RANBP17: variants seen among roughly 807,000 people sequenced by gnomAD.
RANBP17 encodes the protein RAN binding protein 17.
A neutral mutation model predicts 141.2 loss-of-function variants in RANBP17; 158 were observed. The ratio of observed to expected loss-of-function variants is 1.12; its 90% confidence interval spans 0.98 to 1.28. The LOEUF (loss-of-function observed/expected upper bound fraction) is 1.28. Among genes scored for constraint, RANBP17 ranks in the 50% most tolerant of loss-of-function variants. The pLI, the probability that RANBP17 is intolerant of heterozygous loss-of-function variation, is 0.00. For missense variants in RANBP17, 1,438 were observed against 1,290.7 expected, an observed-to-expected ratio of 1.11 and a Z score of -1.75; for synonymous variants, 430 against 450.0, an observed-to-expected ratio of 0.96 and a Z score of 0.56.
intron 14 of RANBP17, among the ~76,000 whole-genome samples, chr5:171,159,903 GT>G (rs1345332158): frequency 1.6e-5 from 2 of 127,536 alleles, no homozygotes; most frequent in Non-Finnish European, 3.2e-5. Flanking sequence ...GGGCGACAGA[GT>G]GAGACTCCAT....
chr5:170,925,956 A>G (rs1772883211), intron 12 of RANBP17, among the ~76,000 whole-genome samples: 1 of 152,076 alleles, frequency 6.6e-6, no homozygotes, highest in Non-Finnish European at 1.5e-5. Flanking sequence ...GTTAATAGGT[A>G]TTTGTTTTCT....
intron 13 of RANBP17, among the ~76,000 whole-genome samples, chr5:170,956,389 C>T (rs1775696095): frequency 6.6e-6 from 1 of 151,940 alleles, no homozygotes; most frequent in Admixed American, 6.6e-5. Context: ...TCCTTTTCAA[C>T]CTTTAAACTA....
At chr5:171,184,592 A>G (rs1761108398) in intron 18 of RANBP17, among the ~76,000 whole-genome samples, 2 of 152,204 alleles carry the variant, frequency 1.3e-5, no homozygotes, top group African/African-American at 2.4e-5. Flanking sequence ...TTCTTGAAAA[A>G]TGCTAAGAGA....
chr5:171,267,200 A>ATTTT lies in RANBP17; in HGVS notation c.2943+1367_2943+1370dup, dbSNP rs75633814. ...AGGTGCACACCACCACATCCAGCTA[A>ATTTT]TTTTTTTTTTTTTTTTTGGAGAGAA... On this transcript the variant is annotated intron_variant, in intron 25 of 27. Coordinates refer to ENST00000523189, the MANE Select transcript of RANBP17 (RefSeq NM_022897.5). Among the ~76,000 whole-genome samples the ATTTT allele has an allele frequency of 1.5e-3, 199 of 131,930 alleles. 2 individuals carry two copies. The highest frequency in any genetic ancestry group is 7.2e-3 in the East Asian group (32 of 4,426). 86.6% of individuals were successfully genotyped at this position (131,930 alleles called of 152,430 possible). A position where few individuals can be genotyped will look rare whatever the true frequency, so the allele number is the denominator to read the frequency against.
chr5:171,186,521 A>ATTTTTTTTTTTT (rs1243325206), intron 18 of RANBP17, among the ~76,000 whole-genome samples: 1 of 29,508 alleles, frequency 3.4e-5, no homozygotes, highest in Non-Finnish European at 7.5e-5. Context: ...CACTGGTATG[A>ATTTTTTTTTTTT]TTTTCTTTTT....
intron 24 of RANBP17, among the ~76,000 whole-genome samples, chr5:171,249,612 G>A (rs1257116079): frequency 6.6e-6 from 1 of 152,106 alleles, no homozygotes; most frequent in Non-Finnish European, 1.5e-5. Context: ...AATTCATTGA[G>A]GGAAATACAA....
At chr5:171,105,576 G>T (rs1233146692) in intron 14 of RANBP17, among the ~76,000 whole-genome samples, 1 of 151,774 alleles carries the variant, frequency 6.6e-6, no homozygotes, top group African/African-American at 2.4e-5. Context: ...AGCTGAGTGG[G>T]TATGGTGGCA....
intron 12 of RANBP17, among the ~76,000 whole-genome samples, chr5:170,951,986 A>G (rs1421815068): frequency 2.0e-5 from 3 of 152,070 alleles, no homozygotes. Flanking sequence ...TAAGATGTAA[A>G]GGTGAATGCT....
At chr5:171,090,199 T>C (rs1294423987) in intron 14 of RANBP17, among the ~76,000 whole-genome samples, 1 of 152,192 alleles carries the variant, frequency 6.6e-6, no homozygotes, top group East Asian at 1.9e-4. Flanking sequence ...AAAATGCTGA[T>C]AATGATATGG....
At chr5:171,237,757 G>A (rs1764628255) in intron 22 of RANBP17, among the ~76,000 whole-genome samples, 1 of 152,158 alleles carries the variant, frequency 6.6e-6, no homozygotes, top group Admixed American at 6.6e-5. Context: ...GTCCATCAGT[G>A]CAATGTAGAT....
chr5:171,183,353 A>G lies in RANBP17; in HGVS notation c.1961A>G (p.Asp654Gly), dbSNP rs768051623. The G allele has an allele frequency of 5.6e-6, 9 of 1,614,036 alleles. No individual in the cohort carries two copies. In the East Asian group the frequency reaches 1.3e-4, roughly 24 times the overall value. ...SEHFPFLGIS[D>G]NHSLSDFRCR... ...CACTTCCCTTTTCTTGGCATCAGTG[A>G]CAATCATAGTCTCAGCGACTTCAGG... The change falls in exon 18 of 28, where the codon GAC becomes GGC. Residue 654 changes from aspartate (D) to glycine (G), a missense_variant. Coordinates refer to ENST00000523189, the MANE Select transcript of RANBP17 (RefSeq NM_022897.5).
chr5:171,223,719 C>A (rs917715099), intron 22 of RANBP17, among the ~76,000 whole-genome samples: 8 of 152,290 alleles, frequency 5.3e-5, no homozygotes, highest in South Asian at 2.1e-4. Context: ...AAAAAATTTT[C>A]TAAATACAAT....
intron 16 of RANBP17, among the ~76,000 whole-genome samples, chr5:171,173,613 A>G (rs962686076): frequency 6.6e-6 from 1 of 152,112 alleles, no homozygotes; most frequent in African/African-American, 2.4e-5. Flanking sequence ...ACCACTTGTT[A>G]GAAATTGAAA....
chr5:171,213,612 T>C lies in RANBP17; in HGVS notation c.2232-19T>C. 1.3e-6 allele frequency: 2 copies of C among 1,576,780 alleles called. No homozygotes were observed. Among genetic ancestry groups the C allele is most frequent in the Non-Finnish European group, 1.7e-6 (2 of 1,146,128 alleles). ...GTATTTCTTTAGACCCTTAAATTCT[T>C]TAACAGGCTTTATAAAAGGTACCCA... On this transcript the variant is annotated intron_variant, in intron 20 of 27. Coordinates refer to ENST00000523189, the MANE Select transcript of RANBP17 (RefSeq NM_022897.5).
intron 25 of RANBP17, chr5:171,271,317 T>G: frequency 4.7e-6 from 1 of 213,378 alleles, no homozygotes. Context: ...CATCTGCTCT[T>G]TTTTCATTTC....
intron 14 of RANBP17, among the ~76,000 whole-genome samples, chr5:170,971,944 C>G (rs1255161430): frequency 1.3e-5 from 2 of 152,044 alleles, no homozygotes; most frequent in Non-Finnish European, 2.9e-5. Flanking sequence ...TCAGTTTTGT[C>G]AAGTCTTAAT....
chr5:171,019,754 A>G, intron 14 of RANBP17, among the ~76,000 whole-genome samples: 1 of 149,406 alleles, frequency 6.7e-6, no homozygotes. Context: ...CCATGTCTTG[A>G]TCTCCTTAAG....
chr5:170,919,874 A>AT (rs143360802), intron 11 of RANBP17, among the ~76,000 whole-genome samples: 17 of 148,478 alleles, frequency 1.1e-4, no homozygotes, highest in South Asian at 4.3e-4. Context: ...TGTACCTGTA[A>AT]TTTTTTTTTT....
intron 14 of RANBP17, among the ~76,000 whole-genome samples, chr5:171,082,845 A>T (rs1290635651): frequency 6.6e-6 from 1 of 151,868 alleles, no homozygotes; most frequent in Non-Finnish European, 1.5e-5. Context: ...CCTTAGATAG[A>T]CTGTAGCATT....
Sources: gnomAD v4.1 joint callset for allele counts (sites outside exome capture counted in the v4.1 genomes callset) on GRCh38, gnomAD v4.1.1 for gene constraint, MANE v1.5 for transcripts, NCBI Gene and HGNC (gene_info 2026-07-23, HGNC 2026-07-21) for gene names.